The following HMX1 variants were observed in gnomAD, a reference collection of about 807,000 sequenced individuals.
The protein encoded by HMX1 is homeobox protein HMX1.
Under a neutral mutation model 8.9 loss-of-function variants are expected in HMX1, and 8 were observed. The observed-to-expected ratio is 0.90, with a 90% confidence interval of 0.53 to 1.63. HMX1 has a LOEUF of 1.63. HMX1 is among the 40% of genes most tolerant of loss of function. HMX1 has a pLI of 0.00. For missense variants in HMX1, 621 were observed against 558.5 expected (o/e 1.11, Z -1.13); for synonymous variants, 311 against 283.4 (o/e 1.10, Z -0.98).
chr4:8,852,430 G>A (rs867977045), intron 1 of HMX1, among the ~76,000 whole-genome samples: 1 of 152,212 alleles, frequency 6.6e-6, no homozygotes, highest in Admixed American at 6.5e-5. Context: ...GAGGTCGGAA[G>A]CCTTGGACAA....
chr4:8,852,246 G>T (rs1208711391), intron 1 of HMX1, among the ~76,000 whole-genome samples: 1 of 152,260 alleles, frequency 6.6e-6, no homozygotes, highest in Admixed American at 6.5e-5. Flanking sequence ...CAGCCAGCAA[G>T]GCAGACATCC....
In HMX1 at chr4:8,871,270, G is replaced by T; in HGVS notation, c.345C>A (p.Arg115=). ...PFALGCGGAA[R]WYPRAHGGYG... The stretch of plus-strand genomic sequence containing the variant: ...AGCCACCGTGCGCCCGTGGGTACCA[G>T]CGCGCTGCGCCTCCGCAGCCCAGAG... The change falls in exon 1 of 2, where the codon CGC becomes CGA. Residue 115 remains arginine, a synonymous_variant. Coordinates refer to ENST00000400677, the MANE Select transcript of HMX1 (RefSeq NM_018942.3). This position sits in a 1 kb window ranked among gnomAD's most constrained non-coding sequence, Gnocchi z 4.8. 1.3e-6 allele frequency: 2 copies of T among 1,483,366 alleles called. No homozygotes were observed. Among genetic ancestry groups the T allele is most frequent in the African/African-American group, 2.9e-5 (2 of 68,406 alleles). The allele number at this position is 1,483,366 out of a possible 1,614,324, so 91.9% of individuals were successfully genotyped here.
downstream of HMX1, among the ~76,000 whole-genome samples, chr4:8,866,276 C>T (rs1409920626): frequency 3.3e-5 from 5 of 152,340 alleles, no homozygotes; most frequent in East Asian, 9.7e-4. Flanking sequence ...TATGGCCCGG[C>T]TGCTGCCCAT....
chr4:8,861,965 G>C lies in HMX1; in HGVS notation c.394+9256C>G, dbSNP rs575802891. 4.6e-5 allele frequency among the ~76,000 whole-genome samples: 7 copies of C among 152,366 alleles called. No individual in the cohort carries two copies. The East Asian group carries it at 1.4e-3, about 29-fold the overall frequency. Reference sequence around the variant, plus strand: ...GAACCACGTCCGCGTGGGTGACTCGGGCTGGGGAGCCGGGAGGCGGCGCCA... The same window carrying C: ...GAACCACGTCCGCGTGGGTGACTCGCGCTGGGGAGCCGGGAGGCGGCGCCA... On this transcript the variant is annotated intron_variant, in intron 1 of 1. Transcript: ENST00000506970.
rs940109150 is a variant in HMX1, at chr4:8,853,677, C to T, written c.395-7353G>A. On this transcript the variant is annotated intron_variant, in intron 1 of 1. Transcript: ENST00000506970. This position sits in a 1 kb window ranked among gnomAD's most constrained non-coding sequence, Gnocchi z 4.7. ...GACCAGCCTGACCAATATGATGAAA[C>T]CCCGTCTCTACTAAAAATACAGAAA... 3.9e-5 allele frequency among the ~76,000 whole-genome samples: 6 copies of T among 152,120 alleles called. No homozygotes were observed. Among genetic ancestry groups the T allele is most frequent in the African/African-American group, 1.4e-4 (6 of 41,398 alleles).
In HMX1 at chr4:8,871,609, A is replaced by T; in HGVS notation, c.6T>A (p.Pro2=). 1 of 1,295,764 alleles carries T rather than the reference A, an allele frequency of 7.7e-7. No individual in the cohort carries two copies. The highest frequency in any genetic ancestry group is 9.8e-7 in the Non-Finnish European group (1 of 1,022,240). The allele number at this position is 1,295,764 out of a possible 1,614,324, so 80.3% of individuals were successfully genotyped here. The change falls in exon 1 of 2, where the codon CCT becomes CCA. Residue 2 remains proline (P), a synonymous_variant. Transcript: ENST00000400677. This position sits in a 1 kb window ranked among gnomAD's most constrained non-coding sequence, Gnocchi z 4.8. ...CGCGCCCGGGCTCCGTCAGCTCGTC[A>T]GGCATCGCGGCCGCGGGCTTCTCGG... The part of the protein sequence containing the change: M[P]DELTEPGRAT...
At chr4:8,858,625 C>G (rs1356575989) in intron 1 of HMX1, 6 of 152,220 alleles carry the variant, frequency 3.9e-5, no homozygotes, top group Admixed American at 2.6e-4. Context: ...GCGCAGGCCC[C>G]CGGGCGGCCG....
At chr4:8,860,432 G>T (rs970708762) in intron 1 of HMX1, among the ~76,000 whole-genome samples, 4 of 152,246 alleles carry the variant, frequency 2.6e-5, no homozygotes, top group Non-Finnish European at 5.9e-5. Context: ...CCCCCGCTAC[G>T]ATGACCACTC....
intron 1 of HMX1, among the ~76,000 whole-genome samples, chr4:8,857,224 G>C (rs548178541): frequency 6.6e-6 from 1 of 152,224 alleles, no homozygotes; most frequent in African/African-American, 2.4e-5. Flanking sequence ...CCGAGGAAGC[G>C]TCGGGGACAG....
Position 8,861,029 on chromosome 4 carries a change from C to T in HMX1, c.394+10192G>A, listed in dbSNP as rs533980744. 7.9e-5 allele frequency among the ~76,000 whole-genome samples: 12 copies of T among 151,216 alleles called. No homozygotes were observed. In the South Asian group the frequency reaches 2.1e-3, roughly 26 times the overall value. Reference sequence around the variant, plus strand: ...GGGGGCGGGGCGCCCGGGAGGGCCGCGAGCTGGGAAGGTCCCGGGCGGCCG... The same window carrying T: ...GGGGGCGGGGCGCCCGGGAGGGCCGTGAGCTGGGAAGGTCCCGGGCGGCCG... On this transcript the variant is annotated intron_variant, in intron 1 of 1. Coordinates refer to the HMX1 transcript ENST00000506970.
chr4:8,858,128 G>C (rs908641005), intron 1 of HMX1, among the ~76,000 whole-genome samples: 5 of 152,006 alleles, frequency 3.3e-5, no homozygotes, highest in Non-Finnish European at 7.4e-5. Context: ...CAAGCCGGTC[G>C]AGGCCCCCGT....
At chr4:8,855,068 C>T (rs1453202462) in intron 1 of HMX1, among the ~76,000 whole-genome samples, 1 of 152,232 alleles carries the variant, frequency 6.6e-6, no homozygotes, top group Non-Finnish European at 1.5e-5. Context: ...CAGCCAAGAA[C>T]AGGAGTGACG....
At chr4:8,852,205 G>A (rs1038585449) in intron 1 of HMX1, among the ~76,000 whole-genome samples, 1 of 152,216 alleles carries the variant, frequency 6.6e-6, no homozygotes. Flanking sequence ...CCAATTTAGT[G>A]GCAATTTGTA....
chr4:8,865,042 A>C (rs1721951264), downstream of HMX1, among the ~76,000 whole-genome samples: 1 of 152,198 alleles, frequency 6.6e-6, no homozygotes, highest in Admixed American at 6.5e-5. Context: ...GGACGATCTA[A>C]AACTGGCACC....
exon 2 of HMX1, chr4:8,846,232 T>C (rs1332044092): frequency 6.5e-7 from 1 of 1,531,822 alleles, no homozygotes; most frequent in Admixed American, 2.0e-5. Flanking sequence ...ATCCAGAGGC[T>C]CCCACTGTCA....
Position 8,870,959 on chromosome 4 carries a change from C to T in HMX1, c.394+262G>A, listed in dbSNP as rs1722192147. 6.6e-6 allele frequency among the ~76,000 whole-genome samples: 1 copy of T among 152,144 alleles called. No homozygotes were observed. Among genetic ancestry groups the T allele is most frequent in the South Asian group, 2.1e-4 (1 of 4,830 alleles). ...TCCTGTTGTCCCCTGTCCCCAGCCT[C>T]CCTGGGACCGGAGGAGCCCGGCAAT... On this transcript the variant is annotated intron_variant, in intron 1 of 1. Transcript: ENST00000400677. This position sits in a 1 kb window ranked among gnomAD's most constrained non-coding sequence, Gnocchi z 4.4.
In HMX1 at chr4:8,870,325, G is replaced by T. The variant is rs563795559; in HGVS notation, c.394+896C>A. 6.6e-6 allele frequency among the ~76,000 whole-genome samples: 1 copy of T among 151,932 alleles called. No individual in the cohort carries two copies. The highest frequency in any genetic ancestry group is 2.4e-5 in the African/African-American group (1 of 41,352). The stretch of plus-strand genomic sequence containing the variant: ...AGGGCAGGTACAAAAGGGAGGCAGC[G>T]ACCCTGGAACCCTGGGGAGGGGAAG... On this transcript the variant is annotated intron_variant, in intron 1 of 1. Coordinates refer to ENST00000400677, the MANE Select transcript of HMX1 (RefSeq NM_018942.3). This position sits in a 1 kb window ranked among gnomAD's most constrained non-coding sequence, Gnocchi z 4.4.
rs1722166668 is a variant in HMX1, at chr4:8,870,220, T to C, written c.394+1001A>G. Among the ~76,000 whole-genome samples the C allele has an allele frequency of 6.6e-6, 1 of 150,954 alleles. No homozygotes were observed. Among genetic ancestry groups the C allele is most frequent in the Non-Finnish European group, 1.5e-5 (1 of 67,650 alleles). On this transcript the variant is annotated intron_variant, in intron 1 of 1. Transcript: ENST00000400677. This position sits in a 1 kb window ranked among gnomAD's most constrained non-coding sequence, Gnocchi z 4.4. The stretch of plus-strand genomic sequence containing the variant: ...CTGGCCTCAAGGTCCAAAGGCTGTG[T>C]TGGGGGTGGGGGGCTGGCTAAGCCA...
Position 8,868,339 on chromosome 4 carries a change from T to C in HMX1, c.401A>G (p.Asp134Gly). The change falls in exon 2 of 2, where the codon GAC becomes GGC. Residue 134 changes from aspartate (D) to glycine (G), a missense_variant. By Grantham distance (94) the Asp-to-Gly change is moderately conservative (BLOSUM62 -1). Transcript: ENST00000400677. The surrounding 1 kb of genome is among the most constrained non-coding windows in gnomAD (Gnocchi z 4.6). ...CTCGCCCGTCTCCGGTGAGTCCCGG[T>C]CGCTGGCTGCAGGGGAGAGAGGGCA... ...YGGGLSPDTS[D>G]RDSPETGEEM... is the part of the protein sequence containing the mutation. 1 of 1,383,388 alleles carries C rather than the reference T, an allele frequency of 7.2e-7. No individual in the cohort carries two copies. Among genetic ancestry groups the C allele is most frequent in the Non-Finnish European group, 9.3e-7 (1 of 1,077,862 alleles). 85.7% of individuals were successfully genotyped at this position (1,383,388 alleles called of 1,614,324 possible). A position where few individuals can be genotyped will look rare whatever the true frequency, so the allele number is the denominator to read the frequency against.
Sources: gnomAD v4.1 joint callset for allele counts (sites outside exome capture counted in the v4.1 genomes callset) on GRCh38, gnomAD v4.1.1 for gene constraint, Gnocchi (gnomAD v3.1) non-coding constraint, MANE v1.5 for transcripts, NCBI Gene and HGNC (gene_info 2026-07-23, HGNC 2026-07-21) for gene names.